TRPC4: variants seen among roughly 807,000 people sequenced by gnomAD.
TRPC4 encodes the protein transient receptor potential cation channel subfamily C member 4, also known as short transient receptor potential channel 4.
Under a neutral mutation model 99.4 loss-of-function variants are expected in TRPC4, and 49 were observed. The observed-to-expected ratio is 0.49, with a 90% CI of 0.39 to 0.63. The LOEUF is 0.63. Ranked by LOEUF, TRPC4 falls within the 20% of genes least tolerant of loss-of-function variation. The pLI is 0.00. For synonymous variants in TRPC4, 454 were observed against 425.9 expected (o/e 1.07, Z -0.81); for missense variants, 898 against 1,152.9 (o/e 0.78, Z 3.20).
intron 8 of TRPC4, among the ~76,000 whole-genome samples, chr13:37,650,165 C>T (rs1951992971): frequency 6.6e-6 from 1 of 152,162 alleles, no homozygotes; most frequent in African/African-American, 2.4e-5. Flanking sequence ...TGGTAAGGAT[C>T]TCTTAGGGCA....
chr13:37,666,773 T>G (rs1220918457), intron 5 of TRPC4, among the ~76,000 whole-genome samples: 2 of 152,206 alleles, frequency 1.3e-5, no homozygotes, highest in Admixed American at 6.5e-5. Flanking sequence ...AGTGGCCTCT[T>G]CTCAGTCTCC....
At chr13:37,700,609 C>T (rs1954074442) in intron 3 of TRPC4, among the ~76,000 whole-genome samples, 1 of 152,108 alleles carries the variant, frequency 6.6e-6, no homozygotes, top group Admixed American at 6.5e-5. Context: ...TTCCTTTTAA[C>T]ATAATATCAA....
intron 1 of TRPC4, among the ~76,000 whole-genome samples, chr13:37,795,522 T>C (rs1675855354): frequency 6.6e-6 from 1 of 152,132 alleles, no homozygotes; most frequent in Non-Finnish European, 1.5e-5. Context: ...AAGAAATGCT[T>C]GCTGGAGGAG....
intron 1 of TRPC4, among the ~76,000 whole-genome samples, chr13:37,861,083 T>C (rs183522595): frequency 2.4e-4 from 37 of 151,604 alleles, no homozygotes; most frequent in Non-Finnish European, 3.0e-5. Flanking sequence ...ATTGTGACTC[T>C]CAAAACCAGA....
At chr13:37,674,132 G>T in intron 5 of TRPC4, 96 bp downstream of exon 5, 1 of 1,206,330 alleles carries the variant, frequency 8.3e-7, no homozygotes, top group Non-Finnish European at 1.1e-6. Flanking sequence ...TCCGGAAAAA[G>T]CTCTAGGTAA....
intron 1 of TRPC4, among the ~76,000 whole-genome samples, chr13:37,818,631 G>A (rs7982614): frequency 0.33 from 50,290 of 151,898 alleles, 8,646 homozygotes; most frequent in East Asian, 0.53. Flanking sequence ...ATAAAAAGGG[G>A]TGAGTTCATG....
intron 2 of TRPC4, among the ~76,000 whole-genome samples, chr13:37,756,516 A>C (rs1593669965): frequency 6.7e-6 from 1 of 150,190 alleles, no homozygotes; most frequent in Non-Finnish European, 1.5e-5. Flanking sequence ...CTTTAAATAC[A>C]CTAATAGCTT....
rs1010226589 is a variant in TRPC4, at chr13:37,636,114, G to T, written c.*789C>A. ...ATTATTTTTTTATAACAGAAATCTT[G>T]CCATATTTTTGAAATTCAGTTATTC... On this transcript the variant is annotated 3_prime_UTR_variant, in exon 11 of 11. Coordinates refer to ENST00000379705, the MANE Select transcript of TRPC4 (RefSeq NM_016179.4). 2.4e-4 allele frequency among the ~76,000 whole-genome samples: 37 copies of T among 151,856 alleles called. No homozygotes were observed. The highest frequency in any genetic ancestry group is 8.4e-4 in the African/African-American group (35 of 41,464).
At chr13:37,639,448 C>T (rs1951647399) in intron 8 of TRPC4, 149 bp from the exon 9 acceptor site, 1 of 712,726 alleles carries the variant, frequency 1.4e-6, no homozygotes, top group African/African-American at 1.8e-5. Flanking sequence ...AAGAGTGCTG[C>T]ACATGAATCA....
chr13:37,811,224 A>G (rs1293233144), intron 1 of TRPC4, among the ~76,000 whole-genome samples: 2 of 152,186 alleles, frequency 1.3e-5, no homozygotes, highest in Non-Finnish European at 2.9e-5. Flanking sequence ...AATTGGCAAC[A>G]TATGCCAAAA....
At chr13:37,825,104 G>T (rs1167041303) in intron 1 of TRPC4, among the ~76,000 whole-genome samples, 2 of 151,532 alleles carry the variant, frequency 1.3e-5, no homozygotes, top group African/African-American at 4.8e-5. Flanking sequence ...TATTTCTGTG[G>T]GATCAGTGGT....
At chr13:37,654,134 T>G (rs1047603376) in intron 7 of TRPC4, among the ~76,000 whole-genome samples, 2 of 152,098 alleles carry the variant, frequency 1.3e-5, no homozygotes, top group Non-Finnish European at 2.9e-5. Context: ...GAGTGTCTTA[T>G]GAGAAAAATT....
At chr13:37,694,374 GTACTT>G (rs984789686) in intron 3 of TRPC4, among the ~76,000 whole-genome samples, 1 of 152,124 alleles carries the variant, frequency 6.6e-6, no homozygotes, top group Non-Finnish European at 1.5e-5. Context: ...AGAAAGTTAT[GTACTT>G]TGTTCACTAC....
intron 1 of TRPC4, among the ~76,000 whole-genome samples, chr13:37,843,466 G>A (rs1352117501): frequency 6.6e-6 from 1 of 152,150 alleles, no homozygotes; most frequent in Non-Finnish European, 1.5e-5. Context: ...ATTGTAATGT[G>A]ACTTTAAGTT....
In TRPC4 at chr13:37,634,570, GA is replaced by G. The variant is rs1420786953; in HGVS notation, c.*2332del. 2.0e-5 allele frequency among the ~76,000 whole-genome samples: 3 copies of G among 151,890 alleles called. No homozygotes were observed. The highest frequency in any genetic ancestry group is 6.6e-5 in the Admixed American group (1 of 15,228). ...CCCTGATATAAATAAGCTACTGGGG[GA>G]AAAAAGGTTTTGTTGCTTGTACTGT... On this transcript the variant is annotated 3_prime_UTR_variant, in exon 11 of 11. Coordinates refer to ENST00000379705, the MANE Select transcript of TRPC4 (RefSeq NM_016179.4).
intron 1 of TRPC4, among the ~76,000 whole-genome samples, chr13:37,868,365 C>T (rs1447993947): frequency 6.6e-6 from 1 of 151,706 alleles, no homozygotes; most frequent in Admixed American, 6.6e-5. Flanking sequence ...AGAAAGTAGG[C>T]GCTACAAATG....
chr13:37,779,055 C>G (rs1254845108), intron 2 of TRPC4, among the ~76,000 whole-genome samples: 1 of 152,000 alleles, frequency 6.6e-6, no homozygotes, highest in Non-Finnish European at 1.5e-5. Context: ...TGTGTTGTAA[C>G]AAGCCTTTCC....
chr13:37,681,575 C>T (rs1366173769), intron 4 of TRPC4, among the ~76,000 whole-genome samples: 1 of 152,072 alleles, frequency 6.6e-6, no homozygotes, highest in African/African-American at 2.4e-5. Context: ...TGGCCAGTTT[C>T]ATTTATTCTG....
At chr13:37,793,001 A>G (rs1743239666) in intron 1 of TRPC4, among the ~76,000 whole-genome samples, 2 of 152,092 alleles carry the variant, frequency 1.3e-5, no homozygotes, top group Admixed American at 6.6e-5. Context: ...CGAGAGAAGT[A>G]ATTAGACACA....
Sources: gnomAD v4.1 joint callset for allele counts (sites outside exome capture counted in the v4.1 genomes callset) on GRCh38, gnomAD v4.1.1 for gene constraint, MANE v1.5 for transcripts, NCBI Gene and HGNC (gene_info 2026-07-23, HGNC 2026-07-21) for gene names.